SAMD3: variants seen among roughly 807,000 people sequenced by gnomAD.
SAMD3 encodes sterile alpha motif domain-containing protein 3.
In SAMD3, 63 loss-of-function variants were observed where a neutral mutation model predicts 58.5. The ratio of observed to expected loss-of-function variants is 1.08; its 90% CI spans 0.88 to 1.33. The LOEUF (loss-of-function observed/expected upper bound fraction) is 1.33. SAMD3 is among the 40% of genes most tolerant of loss of function. The pLI is 0.00. For synonymous variants in SAMD3, 220 were observed against 210.3 expected, an observed-to-expected ratio of 1.05 and a Z score of -0.40; for missense variants, 604 against 608.4, an observed-to-expected ratio of 0.99 and a Z score of 0.08.
chr6:130,166,059 A>G (rs1408771663), intron 8 of SAMD3, among the ~76,000 whole-genome samples: 1 of 152,180 alleles, frequency 6.6e-6, no homozygotes, highest in African/African-American at 2.4e-5. Context: ...AGAGCTAGCC[A>G]GAGCTTGTCC....
intron 8 of SAMD3, chr6:130,160,817 GTAA>G (rs1160661417): frequency 1.3e-5 from 2 of 152,054 alleles, no homozygotes; most frequent in Non-Finnish European, 2.9e-5. Flanking sequence ...AGTTTCAAAT[GTAA>G]AATGTGGAAG....
chr6:130,175,784 C>T, intron 8 of SAMD3, 57 bp downstream of exon 8: 1 of 1,075,790 alleles, frequency 9.3e-7, no homozygotes. Flanking sequence ...ATTTATTATC[C>T]CTTAATCAAT....
intron 1 of SAMD3, among the ~76,000 whole-genome samples, chr6:130,322,911 T>C (rs1166321950): frequency 1.3e-5 from 2 of 152,202 alleles, no homozygotes; most frequent in African/African-American, 2.4e-5. Context: ...GAAAATGGAA[T>C]AGGCTTGACT....
chr6:130,263,835 A>T (rs12211500), intron 2 of SAMD3, among the ~76,000 whole-genome samples: 15,264 of 152,122 alleles, frequency 0.1, 993 homozygotes, highest in Admixed American at 0.15. Context: ...TAAAGACCCC[A>T]GTGCCGACCA....
chr6:130,253,337 G>T (rs9483099), intron 2 of SAMD3, among the ~76,000 whole-genome samples: 2 of 152,182 alleles, frequency 1.3e-5, no homozygotes, highest in African/African-American at 2.4e-5. Flanking sequence ...TCTGGGTGCA[G>T]TCCTTGTTTA....
chr6:130,271,708 A>G (rs1398795721), intron 2 of SAMD3, among the ~76,000 whole-genome samples: 7 of 152,198 alleles, frequency 4.6e-5, no homozygotes. Context: ...ATAAAGACAT[A>G]TCGAGACTGG....
At chr6:130,183,202 T>C (rs751213415) in intron 7 of SAMD3, 3 of 366,918 alleles carry the variant, frequency 8.2e-6, no homozygotes, top group South Asian at 2.2e-5. Context: ...TCTGAATCTC[T>C]AGGAATCCTA....
chr6:130,266,148 C>T lies in SAMD3; in HGVS notation c.-187-43335G>A, dbSNP rs540671184. On this transcript the variant is annotated intron_variant, in intron 2 of 13. Transcript: ENST00000368134. ...CTGAAATGGATCTTCAAGTAAATATCGTGGTTTGAGGAAAAGTTTATAAAC... is the reference window on the plus strand; with the variant it reads ...CTGAAATGGATCTTCAAGTAAATATTGTGGTTTGAGGAAAAGTTTATAAAC... Among the ~76,000 whole-genome samples the T allele has an allele frequency of 6.4e-4, 97 of 152,212 alleles. 3 individuals are homozygous for T. The highest frequency in any genetic ancestry group is 8.7e-4 in the African/African-American group (36 of 41,526).
intron 1 of SAMD3, among the ~76,000 whole-genome samples, chr6:130,361,001 T>C (rs1270332609): frequency 6.6e-6 from 1 of 152,190 alleles, no homozygotes; most frequent in Non-Finnish European, 1.5e-5. Flanking sequence ...GCTGTTATAC[T>C]GTTCTTTTTT....
chr6:130,184,002 C>G (rs889169862), intron 7 of SAMD3, 101 bp downstream of exon 7: 1 of 841,376 alleles, frequency 1.2e-6, no homozygotes, highest in East Asian at 2.6e-5. Context: ...GAGAGAGAGA[C>G]ACCAAGAAAA....
At chr6:130,183,281 G>C (rs1044731521) in intron 7 of SAMD3, 1 of 427,648 alleles carries the variant, frequency 2.3e-6, no homozygotes, top group East Asian at 7.1e-5. Flanking sequence ...AGGTTGCAGT[G>C]AGCTGAGATC....
chr6:130,259,594 G>C (rs1023956617), intron 2 of SAMD3, among the ~76,000 whole-genome samples: 3 of 152,136 alleles, frequency 2.0e-5, no homozygotes, highest in African/African-American at 7.2e-5. Flanking sequence ...ATGATCAAAA[G>C]ATACAGTGAA....
At chr6:130,212,710 T>C (rs554752664) in intron 4 of SAMD3, among the ~76,000 whole-genome samples, 1 of 152,330 alleles carries the variant, frequency 6.6e-6, no homozygotes, top group Non-Finnish European at 1.5e-5. Context: ...TTGAGAACAT[T>C]ATAAACTGAT....
Position 130,144,594 on chromosome 6 carries a change from C to A in SAMD3, c.1489G>T (p.Asp497Tyr). The A allele has an allele frequency of 6.2e-7, 1 of 1,614,064 alleles. No individual in the cohort carries two copies. Among genetic ancestry groups the A allele is most frequent in the Non-Finnish European group, 8.5e-7 (1 of 1,179,982 alleles). ...GAAGGAAAATAAGGACTGTGCATATCGAAAATCAGCGTTTCTAGGAAGTTG... is the reference window on the plus strand; with the variant it reads ...GAAGGAAAATAAGGACTGTGCATATAGAAAATCAGCGTTTCTAGGAAGTTG... ...TFNFLETLIF[D>Y]MHSPYFPSLK... The change falls in exon 12 of 12, where the codon GAT (aspartate) becomes TAT (tyrosine). Residue 497 changes from aspartate (D) to tyrosine (Y), a missense_variant. By Grantham distance (160) the Asp-to-Tyr change is radical. Transcript: ENST00000439090.
chr6:130,284,907 C>A (rs1583050209), intron 2 of SAMD3, among the ~76,000 whole-genome samples: 1 of 152,140 alleles, frequency 6.6e-6, no homozygotes, highest in Non-Finnish European at 1.5e-5. Flanking sequence ...ACCCACAGTT[C>A]TATGGGGGAG....
rs1048211500 is a variant in SAMD3 at position 130,154,981 on chromosome 6, CTTAATA to C, written c.861_866del (p.His287_Lys289delinsGln). 4 of 1,613,286 alleles carry C rather than the reference CTTAATA, an allele frequency of 2.5e-6. No homozygotes were observed. The highest frequency in any genetic ancestry group is 3.3e-5 in the Admixed American group (2 of 59,960). Reference sequence around the variant, plus strand: ...TTTTCACGTATTCTTGCTGGAACCACTTAATATGTTCATCTAGCTCAGAATCAAAAC... The same window carrying C: ...TTTTCACGTATTCTTGCTGGAACCACTGTTCATCTAGCTCAGAATCAAAAC... On this transcript the variant is annotated inframe_deletion, in exon 9 of 12. Coordinates refer to ENST00000439090, the MANE Select transcript of SAMD3 (RefSeq NM_001017373.4).
intron 1 of SAMD3, among the ~76,000 whole-genome samples, chr6:130,316,288 TAAAAAAAAAAA>T (rs777240578): frequency 1.2e-5 from 1 of 80,318 alleles, no homozygotes; most frequent in Non-Finnish European, 2.5e-5. Flanking sequence ...AAGGCTGTCT[TAAAAAAAAAAA>T]AAAAAAAAAA....
intron 2 of SAMD3, among the ~76,000 whole-genome samples, chr6:130,300,990 C>T (rs965012221): frequency 1.3e-5 from 2 of 152,078 alleles, no homozygotes; most frequent in African/African-American, 2.4e-5. Flanking sequence ...CTCCAACCAG[C>T]CCCGGTGTCT....
intron 2 of SAMD3, among the ~76,000 whole-genome samples, chr6:130,269,573 T>G (rs998897178): frequency 3.9e-5 from 6 of 152,158 alleles, no homozygotes; most frequent in African/African-American, 1.4e-4. Flanking sequence ...CTGGTTTCCA[T>G]TCTGATATTG....
Sources: allele counts gnomAD v4.1 joint callset (sites outside exome capture counted in the v4.1 genomes callset), GRCh38; gene constraint gnomAD v4.1.1; transcripts MANE v1.5; gene names NCBI Gene and HGNC (gene_info 2026-07-23, HGNC 2026-07-21).